TRAPPC9: variants seen among roughly 807,000 people sequenced by gnomAD.
The protein encoded by TRAPPC9 is trafficking protein particle complex subunit 9, also known as IKK2 binding protein.
In TRAPPC9, 83 loss-of-function variants were observed where a neutral mutation model predicts 124.0. The observed-to-expected ratio is 0.67, with a 90% confidence interval of 0.56 to 0.80. TRAPPC9 has a LOEUF of 0.80. Among genes scored for constraint, TRAPPC9 ranks in the 30% least tolerant of loss-of-function variants. TRAPPC9 has a pLI of 0.00. For missense variants in TRAPPC9, 1,302 were observed against 1,508.3 expected (o/e 0.86, Z 2.27); for synonymous variants, 638 against 617.5 (o/e 1.03, Z -0.49).
intron 10 of TRAPPC9, among the ~76,000 whole-genome samples, chr8:140,301,013 C>G (rs1235057639): frequency 6.6e-6 from 1 of 152,204 alleles, no homozygotes; most frequent in Admixed American, 6.5e-5. Context: ...ACCACCTTCC[C>G]CATGGACCCA....
chr8:140,458,453 C>T (rs759528829), upstream of TRAPPC9: 12 of 1,573,366 alleles, frequency 7.6e-6, no homozygotes, highest in South Asian at 3.5e-5. Flanking sequence ...GCGCGCGCGG[C>T]CTGGGAGCGC....
chr8:140,284,951 C>G (rs954592861), intron 13 of TRAPPC9, among the ~76,000 whole-genome samples: 3 of 152,216 alleles, frequency 2.0e-5, no homozygotes, highest in Non-Finnish European at 2.9e-5. Flanking sequence ...GCACTAATGT[C>G]CTTTCTATAA....
chr8:140,342,968 G>T (rs113848080), intron 9 of TRAPPC9, among the ~76,000 whole-genome samples: 1 of 152,072 alleles, frequency 6.6e-6, no homozygotes, highest in African/African-American at 2.4e-5. Flanking sequence ...CCCGAACCCC[G>T]TATATTTTAG....
intron 19 of TRAPPC9, among the ~76,000 whole-genome samples, chr8:139,925,360 G>A (rs188183737): frequency 2.6e-5 from 4 of 152,312 alleles, no homozygotes; most frequent in South Asian, 2.1e-4. Flanking sequence ...TCTTAGAGGC[G>A]AGAGAGCTAG....
chr8:139,791,994 GCA>G (rs199920658), intron 21 of TRAPPC9, among the ~76,000 whole-genome samples: 1,572 of 152,296 alleles, frequency 0.01, 36 homozygotes, highest in African/African-American at 0.036. Context: ...CCAGCTTTCA[GCA>G]CACGTCACCT....
chr8:140,045,223 C>A (rs1038891179), intron 17 of TRAPPC9, among the ~76,000 whole-genome samples: 5 of 152,198 alleles, frequency 3.3e-5, no homozygotes, highest in African/African-American at 1.2e-4. Flanking sequence ...GGGCAAACAA[C>A]CTGACCCTCT....
At chr8:140,413,452 G>A (rs1047130691) in intron 5 of TRAPPC9, among the ~76,000 whole-genome samples, 12 of 150,856 alleles carry the variant, frequency 8.0e-5, no homozygotes, top group African/African-American at 1.5e-4. Flanking sequence ...GAACATAAGC[G>A]TCAGGCCAGC....
At chr8:140,412,943 GGGAAAGGAAAGGAAAAA>G (rs2069760054) in intron 5 of TRAPPC9, among the ~76,000 whole-genome samples, 1 of 152,050 alleles carries the variant, frequency 6.6e-6, no homozygotes, top group African/African-American at 2.4e-5. Flanking sequence ...CTTTGTGTCT[GGGAAAGGAAAGGAAAAA>G]GGAAAGGAAA....
chr8:139,839,856 C>T (rs1184385915), intron 21 of TRAPPC9, among the ~76,000 whole-genome samples: 2 of 152,166 alleles, frequency 1.3e-5, no homozygotes, highest in African/African-American at 4.8e-5. Context: ...ACTGGGACAG[C>T]GACACAAACA....
intron 17 of TRAPPC9, among the ~76,000 whole-genome samples, chr8:140,044,096 G>T (rs974023571): frequency 2.6e-5 from 4 of 152,120 alleles, no homozygotes; most frequent in African/African-American, 9.7e-5. Flanking sequence ...TAGTCGCCCT[G>T]AAGACGTGCC....
intron 17 of TRAPPC9, among the ~76,000 whole-genome samples, chr8:140,176,608 A>G (rs533208425): frequency 2.6e-5 from 4 of 152,350 alleles, no homozygotes; most frequent in South Asian, 2.1e-4. Context: ...TATTATGAAT[A>G]AAGCTGCTAT....
intron 21 of TRAPPC9, among the ~76,000 whole-genome samples, chr8:139,841,296 A>G (rs1200083646): frequency 6.6e-6 from 1 of 152,072 alleles, no homozygotes; most frequent in African/African-American, 2.4e-5. Flanking sequence ...TGCACCTGCA[A>G]CCCTAATTGC....
intron 19 of TRAPPC9, among the ~76,000 whole-genome samples, chr8:139,969,000 TAGC>T (rs1835892923): frequency 1.3e-5 from 2 of 152,216 alleles, no homozygotes; most frequent in Non-Finnish European, 2.9e-5. Flanking sequence ...AGTCCAGAGA[TAGC>T]AGGAACAGGA....
chr8:140,457,578 G>A, intron 1 of TRAPPC9, 61 bp downstream of exon 1: 1 of 983,376 alleles, frequency 1.0e-6, no homozygotes, highest in Non-Finnish European at 1.2e-6. Flanking sequence ...GGCCAGCCGC[G>A]CAGCCCTCCC....
chr8:140,438,925 C>T, intron 3 of TRAPPC9, 127 bp downstream of exon 3: 1 of 1,118,642 alleles, frequency 8.9e-7, no homozygotes. Flanking sequence ...CTCTTGACCT[C>T]ATATTTGGCC....
chr8:140,363,661 G>A (rs577488544), intron 8 of TRAPPC9, among the ~76,000 whole-genome samples: 3 of 151,484 alleles, frequency 2.0e-5, no homozygotes, highest in African/African-American at 4.9e-5. Context: ...GCAATGCCAC[G>A]ATCTTGGTTC....
At position 140,101,532 on chromosome 8, in the gene TRAPPC9, C is replaced by CTTTTTTTTT. The variant is rs1234280796; in HGVS notation, c.2557-77454_2557-77453insAAAAAAAAA. ...ACTTGGGTTGGTTTTGTAGGGTTTT[C>CTTTTTTTTT]TTTTTTTTGTTTTTTTTTTTTTTTT... On this transcript the variant is annotated intron_variant, in intron 17 of 22. Coordinates refer to ENST00000438773, the MANE Select transcript of TRAPPC9 (RefSeq NM_001160372.4). Among the ~76,000 whole-genome samples the CTTTTTTTTT allele has an allele frequency of 9.4e-4, 74 of 78,718 alleles. 9 individuals carry two copies. Among genetic ancestry groups the CTTTTTTTTT allele is most frequent in the African/African-American group, 1.0e-3 (16 of 15,564 alleles). 51.6% of individuals were successfully genotyped at this position (78,718 alleles called of 152,430 possible).
chr8:139,851,101 C>T (rs546508349), intron 21 of TRAPPC9, among the ~76,000 whole-genome samples: 7 of 152,350 alleles, frequency 4.6e-5, no homozygotes, highest in African/African-American at 1.7e-4. Flanking sequence ...TCCTTACACA[C>T]TGTTACTGTC....
At chr8:139,748,912 G>A (rs745344678) in intron 21 of TRAPPC9, among the ~76,000 whole-genome samples, 2 of 152,140 alleles carry the variant, frequency 1.3e-5, no homozygotes, top group African/African-American at 4.8e-5. Flanking sequence ...TCTAGACCTT[G>A]AACTCTGGCA....
Sources: allele counts gnomAD v4.1 joint callset (sites outside exome capture counted in the v4.1 genomes callset), GRCh38; gene constraint gnomAD v4.1.1; transcripts MANE v1.5; gene names NCBI Gene and HGNC (gene_info 2026-07-23, HGNC 2026-07-21).